Variants in TSNAXIP1 observed in about 807,000 individuals in gnomAD.
TSNAXIP1 encodes translin associated factor X interacting protein 1.
Under a neutral mutation model 84.8 loss-of-function variants are expected in TSNAXIP1, and 89 were observed. That is an observed-to-expected ratio of 1.05 (90% CI 0.88 to 1.25). TSNAXIP1 has a LOEUF of 1.25. TSNAXIP1 is among the 50% of genes most tolerant of loss of function. The probability of loss-of-function intolerance (pLI) is 0.00; values close to 1 mark genes in which losing one functional copy is unlikely to be tolerated. For missense variants in TSNAXIP1, 874 were observed against 887.6 expected (o/e 0.98, Z 0.20); for synonymous variants, 347 against 335.2 (o/e 1.04, Z -0.39).
At position 67,827,496 on chromosome 16, in the gene TSNAXIP1, C is replaced by A. The variant is rs576676695; in HGVS notation, c.1815C>A (p.Pro605=). The change falls in exon 15 of 16, where the codon CCC becomes CCA. Residue 605 remains proline, a synonymous_variant. Coordinates refer to ENST00000561639, the MANE Select transcript of TSNAXIP1 (RefSeq NM_001288990.3). The stretch of plus-strand genomic sequence containing the variant: ...AGGATGAGGAGGGCCAGAGTGAGCC[C>A]TTTGTGCAAAAACTCTGGGAACAAT... The part of the protein sequence containing the change: ...FMEDEEGQSE[P]FVQKLWEQYM... The A allele has an allele frequency of 6.2e-7, 1 of 1,614,204 alleles. No individual in the cohort carries two copies. Among genetic ancestry groups the A allele is most frequent in the South Asian group, 1.1e-5 (1 of 91,074 alleles).
chr16:67,809,013 C>A (rs552080587), intron 1 of TSNAXIP1, among the ~76,000 whole-genome samples: 1 of 146,840 alleles, frequency 6.8e-6, no homozygotes, highest in Non-Finnish European at 1.5e-5. Flanking sequence ...ATAGTAAGAC[C>A]CTGTCCCTAC....
At chr16:67,808,025 T>G (rs985869621) in intron 1 of TSNAXIP1, among the ~76,000 whole-genome samples, 3 of 152,148 alleles carry the variant, frequency 2.0e-5, no homozygotes, top group African/African-American at 7.2e-5. Context: ...GACAGGGCCC[T>G]TCAAGTTCCA....
Position 67,825,655 on chromosome 16 carries a change from T to C in TSNAXIP1, c.815-12T>C, listed in dbSNP as rs1053160384. 2.1e-5 allele frequency: 34 copies of C among 1,603,384 alleles called. 1 individual carries two copies. The highest frequency in any genetic ancestry group is 2.8e-5 in the Non-Finnish European group (33 of 1,173,072). ...ACGGTGACACGGGCTGGTGGGCCCC[T>C]TCCCCTGGCAGGCATCTGGGGGGAG... On this transcript the variant is annotated splice_polypyrimidine_tract_variant and intron_variant, in intron 7 of 15. Coordinates refer to ENST00000561639, the MANE Select transcript of TSNAXIP1 (RefSeq NM_001288990.3).
rs62636658 is a variant in TSNAXIP1, at chr16:67,821,204, C to T, written c.366C>T (p.Ser122=). 0.037 allele frequency: 59,687 copies of T among 1,603,248 alleles called. 1,327 individuals are homozygous for T. The highest frequency in any genetic ancestry group is 0.1 in the Middle Eastern group (628 of 6,022). Residue 122 remains serine, a synonymous_variant, in exon 4 of 16, where the codon TCC becomes TCT. Transcript: ENST00000561639. ...ELLLLDLGTD[S]TQELRLQPYR... is the part of the protein sequence containing the mutation. Reference sequence around the variant, plus strand: ...TCCTGCTGGACCTGGGCACAGATTCCACCCAGGAACTAAGGCTGCAGGTCA... The same window carrying T: ...TCCTGCTGGACCTGGGCACAGATTCTACCCAGGAACTAAGGCTGCAGGTCA...
chr16:67,811,376 AC>A (rs2056064212), intron 1 of TSNAXIP1, among the ~76,000 whole-genome samples: 1 of 150,706 alleles, frequency 6.6e-6, no homozygotes, highest in Non-Finnish European at 1.5e-5. Context: ...TTTCTTGCTT[AC>A]CTTGCCTTTC....
intron 2 of TSNAXIP1, among the ~76,000 whole-genome samples, chr16:67,817,407 A>G (rs2056660685): frequency 6.8e-6 from 1 of 146,528 alleles, no homozygotes; most frequent in African/African-American, 2.5e-5. Context: ...CGGCCTCCCA[A>G]AGTGCTGGGA....
At chr16:67,811,951 T>C (rs533847359) in intron 1 of TSNAXIP1, among the ~76,000 whole-genome samples, 1 of 152,300 alleles carries the variant, frequency 6.6e-6, no homozygotes, top group East Asian at 1.9e-4. Flanking sequence ...TTTGGAATAT[T>C]ACTGCTCCAT....
chr16:67,819,433 G>A (rs2056853424), intron 2 of TSNAXIP1, among the ~76,000 whole-genome samples: 1 of 151,250 alleles, frequency 6.6e-6, no homozygotes, highest in African/African-American at 2.4e-5. Context: ...TAGTAGAGAT[G>A]GAGTTTCACC....
rs542030907 is a variant in TSNAXIP1, at chr16:67,826,365, A to G, written c.1276-72A>G. On this transcript the variant is annotated intron_variant, in intron 10 of 15. Coordinates refer to ENST00000561639, the MANE Select transcript of TSNAXIP1 (RefSeq NM_001288990.3). ...GCTCAGACAAGCTTTTGGGGAACCAACTGGGGATCTTCCCTGATTGGGGGT... is the reference window on the plus strand; with the variant it reads ...GCTCAGACAAGCTTTTGGGGAACCAGCTGGGGATCTTCCCTGATTGGGGGT... The G allele has an allele frequency of 1.0e-5, 16 of 1,607,018 alleles. No homozygotes were observed. The South Asian group carries it at 1.4e-4, about 14-fold the overall frequency.
At chr16:67,819,823 T>TTTTTATTTTTTA (rs1178482305) in intron 2 of TSNAXIP1, among the ~76,000 whole-genome samples, 2 of 139,872 alleles carry the variant, frequency 1.4e-5, no homozygotes, top group African/African-American at 5.4e-5. Flanking sequence ...AAATTTTTTT[T>TTTTTATTTTTTA]TTTTTTTTTT....
In TSNAXIP1 at chr16:67,826,049, C is replaced by T; in HGVS notation, c.1117C>T (p.Pro373Ser). Residue 373 changes from proline to serine, a missense_variant, in exon 9 of 16, where the codon CCG becomes TCG. By Grantham distance (74) the Pro-to-Ser change is moderately conservative. Coordinates refer to ENST00000561639, the MANE Select transcript of TSNAXIP1 (RefSeq NM_001288990.3). ...ELQEIQRTSTPRPDWTKCKDV... is the reference protein window; with the variant it reads ...ELQEIQRTSTSRPDWTKCKDV... ...GCAGGAGATCCAGCGCACTTCCACG[C>T]CGCGGCCTGACTGGACCAAGTGCAA... The T allele has an allele frequency of 6.2e-7, 1 of 1,613,774 alleles. No individual in the cohort carries two copies. Among genetic ancestry groups the T allele is most frequent in the Non-Finnish European group, 8.5e-7 (1 of 1,180,044 alleles).
intron 1 of TSNAXIP1, among the ~76,000 whole-genome samples, chr16:67,813,804 T>C (rs1418452797): frequency 1.4e-5 from 2 of 147,688 alleles, no homozygotes; most frequent in Admixed American, 1.4e-4. Flanking sequence ...AAATATTAAA[T>C]GACTTGCTCA....
chr16:67,825,612 G>C (rs1271978889), intron 7 of TSNAXIP1, 55 bp from the exon 8 acceptor site: 7 of 1,566,876 alleles, frequency 4.5e-6, no homozygotes, highest in Non-Finnish European at 5.2e-6. Context: ...AGGGCTTCAG[G>C]CAACCCCTGA....
chr16:67,811,560 G>A (rs1425255332), intron 1 of TSNAXIP1, among the ~76,000 whole-genome samples: 2 of 147,960 alleles, frequency 1.4e-5, no homozygotes, highest in East Asian at 4.0e-4. Flanking sequence ...TCCTGCCTCA[G>A]CCTCCCGAGT....
Position 67,826,855 on chromosome 16 carries a change from G to A in TSNAXIP1, c.1554+11G>A, listed in dbSNP as rs370210133. On this transcript the variant is annotated intron_variant, in intron 12 of 15. Coordinates refer to ENST00000561639, the MANE Select transcript of TSNAXIP1 (RefSeq NM_001288990.3). ...GTCTTGATGGGAAAGGTGAGCTGGGGCCTATTCCCCTTGGGGAGACTGAGA... is the reference window on the plus strand; with the variant it reads ...GTCTTGATGGGAAAGGTGAGCTGGGACCTATTCCCCTTGGGGAGACTGAGA... 3.1e-5 allele frequency: 50 copies of A among 1,612,672 alleles called. No individual in the cohort carries two copies. The African/African-American group carries it at 6.4e-4, about 21-fold the overall frequency.
rs1296643730 is a variant in TSNAXIP1, at chr16:67,827,073, G to C, written c.1664+1G>C. 6.2e-7 allele frequency: 1 copy of C among 1,613,858 alleles called. No homozygotes were observed. Among genetic ancestry groups the C allele is most frequent in the Non-Finnish European group, 8.5e-7 (1 of 1,179,948 alleles). On this transcript the variant is annotated splice_donor_variant, in intron 13 of 15. Coordinates refer to ENST00000561639, the MANE Select transcript of TSNAXIP1 (RefSeq NM_001288990.3). LOFTEE classifies it high-confidence loss of function. ...GGCTACTAACCATGGAGCAGTTCAAGTGAGAGGCCAGTCCAGGCTACCCCC... is the reference window on the plus strand; with the variant it reads ...GGCTACTAACCATGGAGCAGTTCAACTGAGAGGCCAGTCCAGGCTACCCCC...
At position 67,820,823 on chromosome 16, in the gene TSNAXIP1, C is replaced by T; in HGVS notation, c.148-16C>T. 2.0e-6 allele frequency: 3 copies of T among 1,505,648 alleles called. No individual in the cohort carries two copies. Among genetic ancestry groups the T allele is most frequent in the Non-Finnish European group, 2.7e-6 (3 of 1,123,720 alleles). The allele number at this position is 1,505,648 out of a possible 1,614,324, so 93.3% of individuals were successfully genotyped here. ...AGCAATGTTGCCATGGCAACCCCAC[C>T]TGTACCTCCCTGCAGACTGGTCAGT... On this transcript the variant is annotated splice_polypyrimidine_tract_variant and intron_variant, in intron 2 of 15. Transcript: ENST00000561639.
At chr16:67,824,077 G>C (rs2057269752) in intron 5 of TSNAXIP1, among the ~76,000 whole-genome samples, 1 of 151,792 alleles carries the variant, frequency 6.6e-6, no homozygotes, top group South Asian at 2.1e-4. Flanking sequence ...GGAAGGGGTG[G>C]AGAAGATCCT....
At position 67,827,763 on chromosome 16, in the gene TSNAXIP1, G is replaced by A; in HGVS notation, c.1909G>A (p.Val637Met). 6.2e-7 allele frequency: 1 copy of A among 1,614,024 alleles called. No individual in the cohort carries two copies. Among genetic ancestry groups the A allele is most frequent in the Non-Finnish European group, 8.5e-7 (1 of 1,180,034 alleles). The change falls in exon 16 of 16, where the codon GTG becomes ATG. Residue 637 changes from valine to methionine, a missense_variant. Val to Met is a conservative substitution (Grantham distance 21). Coordinates refer to ENST00000561639, the MANE Select transcript of TSNAXIP1 (RefSeq NM_001288990.3). The stretch of plus-strand genomic sequence containing the variant: ...TTTCCTGTGGGGCAGCCATGAGGAA[G>A]TGACTCTGCCCAAGCTGCGAGGGGG... ...QELGIELHEEVTLPKLRGGLM... is the reference protein window; with the variant it reads ...QELGIELHEEMTLPKLRGGLM...
Sources: gnomAD v4.1 joint callset for allele counts (sites outside exome capture counted in the v4.1 genomes callset) on GRCh38, gnomAD v4.1.1 for gene constraint, MANE v1.5 for transcripts, NCBI Gene and HGNC (gene_info 2026-07-23, HGNC 2026-07-21) for gene names.